The following ZNF100 variants were observed in gnomAD, a reference collection of about 807,000 sequenced individuals.
The protein encoded by ZNF100 is zinc finger protein 100.
In ZNF100, 12 loss-of-function variants were observed where a neutral mutation model predicts 15.8. The observed-to-expected ratio is 0.76, with a 90% CI of 0.49 to 1.23. The LOEUF (loss-of-function observed/expected upper bound fraction) is 1.23, where lower values mean the gene tolerates loss of function less well. Ranked by LOEUF, ZNF100 falls within the 50% of genes most tolerant of loss-of-function variation. ZNF100 has a pLI of 0.00. For missense variants in ZNF100, 670 were observed against 635.6 expected (o/e 1.05, Z -0.58); for synonymous variants, 226 against 214.8 (o/e 1.05, Z -0.45).
In ZNF100 at chr19:21,725,600, T is replaced by A. The variant is rs1245184100; in HGVS notation, c.*1083A>T. ...ATGCAGCAACAATTGATCACATGCTTTCACATGTAAATAGGAGTGAAGAAA... is the reference window on the plus strand; with the variant it reads ...ATGCAGCAACAATTGATCACATGCTATCACATGTAAATAGGAGTGAAGAAA... On this transcript the variant is annotated 3_prime_UTR_variant, in exon 5 of 5. Transcript: ENST00000358296. 6.6e-6 allele frequency: 1 copy of A among 152,150 alleles called. No homozygotes were observed. The highest frequency in any genetic ancestry group is 1.5e-5 in the Non-Finnish European group (1 of 68,000). The allele number at this position is 152,150 out of a possible 1,614,324, so 9.4% of individuals were successfully genotyped here. A position where few individuals can be genotyped will look rare whatever the true frequency, so the allele number is the denominator to read the frequency against.
intron 2 of ZNF100, among the ~76,000 whole-genome samples, chr19:21,753,866 C>T (rs1384723956): frequency 6.6e-6 from 1 of 152,092 alleles, no homozygotes; most frequent in Non-Finnish European, 1.5e-5. Flanking sequence ...GTTTTATCAT[C>T]CTACATGCTA....
chr19:21,742,126 T>C (rs944699404), intron 4 of ZNF100, among the ~76,000 whole-genome samples: 6 of 151,954 alleles, frequency 3.9e-5, no homozygotes, highest in African/African-American at 1.5e-4. Flanking sequence ...TGAAACTCTG[T>C]CTCTTCTAAC....
At chr19:21,738,248 CAAAAAAAAAAAAAAAAAAAAAAAAAAAA>C (rs769582572) in intron 4 of ZNF100, among the ~76,000 whole-genome samples, 6 of 42,962 alleles carry the variant, frequency 1.4e-4, no homozygotes, top group Non-Finnish European at 2.0e-4. Flanking sequence ...GACACTATGT[CAAAAAAAAAAAAAAAAAAAAAAAAAAAA>C]AAAAAAAAAA....
At chr19:21,751,045 GACC>G in intron 2 of ZNF100, 2 of 1,358,304 alleles carry the variant, frequency 1.5e-6, no homozygotes, top group South Asian at 2.4e-5. Flanking sequence ...GCACATCAGC[GACC>G]ACGAGATGCC....
Position 21,726,678 on chromosome 19 carries a change from AT to A in ZNF100, c.*4del. 2 of 1,601,994 alleles carry A rather than the reference AT, an allele frequency of 1.2e-6. No individual in the cohort carries two copies. Among genetic ancestry groups the A allele is most frequent in the Non-Finnish European group, 1.7e-6 (2 of 1,175,404 alleles). On this transcript the variant is annotated 3_prime_UTR_variant, in exon 5 of 5. Transcript: ENST00000358296. Reference sequence around the variant, plus strand: ...GAGGACTGGTAAAAGGCTTTGCCACATTTTTCACATTTGTAGGGTTTCTCTC... The same window carrying A: ...GAGGACTGGTAAAAGGCTTTGCCACATTTTCACATTTGTAGGGTTTCTCTC...
At chr19:21,760,502 A>T (rs910186164) in intron 2 of ZNF100, among the ~76,000 whole-genome samples, 1 of 151,576 alleles carries the variant, frequency 6.6e-6, no homozygotes, top group African/African-American at 2.4e-5. Flanking sequence ...CTAAAAAAAA[A>T]TAAAATAAAA....
intron 2 of ZNF100, 29 bp from the exon 3 acceptor site, chr19:21,745,096 T>C (rs780882562): frequency 5.1e-6 from 8 of 1,576,194 alleles, no homozygotes; most frequent in African/African-American, 4.1e-5. Context: ...GAGACACACA[T>C]ATATTTACCA....
At chr19:21,758,146 C>T (rs1222300207) in intron 2 of ZNF100, among the ~76,000 whole-genome samples, 4 of 151,942 alleles carry the variant, frequency 2.6e-5, no homozygotes, top group African/African-American at 7.3e-5. Context: ...TGCAGCAACA[C>T]GGATGGCGCT....
rs1331615500 is a variant in ZNF100, at chr19:21,726,848, C to G, written c.1464G>C (p.Glu488Asp). 4 of 1,570,740 alleles carry G rather than the reference C, an allele frequency of 2.5e-6. No homozygotes were observed. Among genetic ancestry groups the G allele is most frequent in the East Asian group, 2.4e-5 (1 of 41,730 alleles). The change falls in exon 5 of 5, where the codon GAG (glutamate) becomes GAC (aspartate). Residue 488 changes from glutamate (E) to aspartate (D), a missense_variant. Glu to Asp is a conservative substitution (Grantham distance 45, BLOSUM62 2). Coordinates refer to ENST00000358296, the MANE Select transcript of ZNF100 (RefSeq NM_173531.4). ...ATCGGTTAAAAGCTTTGCCACATTCCTCACATTTGTAGGGTTTCTCTCCAG... is the reference window on the plus strand; with the variant it reads ...ATCGGTTAAAAGCTTTGCCACATTCGTCACATTTGTAGGGTTTCTCTCCAG... ...IHTGEKPYKC[E>D]ECGKAFNRSS...
At chr19:21,751,480 G>T in intron 2 of ZNF100, 1 of 948,512 alleles carries the variant, frequency 1.1e-6, no homozygotes, top group East Asian at 2.4e-5. Flanking sequence ...CAGTAACTCT[G>T]GTTTACTTAG....
chr19:21,751,680 TTCA>T, intron 2 of ZNF100: 2 of 1,245,734 alleles, frequency 1.6e-6, no homozygotes, highest in Non-Finnish European at 2.3e-6. Context: ...TCGGAGCTTC[TTCA>T]GTTTAATATT....
intron 2 of ZNF100, among the ~76,000 whole-genome samples, chr19:21,745,818 G>A (rs888293939): frequency 2.6e-5 from 4 of 152,170 alleles, no homozygotes; most frequent in African/African-American, 4.8e-5. Flanking sequence ...CACCACGCCC[G>A]GCCGAGTTTC....
At chr19:21,745,864 T>G (rs2036204990) in intron 2 of ZNF100, among the ~76,000 whole-genome samples, 2 of 152,196 alleles carry the variant, frequency 1.3e-5, no homozygotes, top group Non-Finnish European at 2.9e-5. Flanking sequence ...ATGCCAAAGT[T>G]TTTGGCCCCA....
At chr19:21,733,316 TGGAA>T (rs758357452) in intron 4 of ZNF100, among the ~76,000 whole-genome samples, 12,433 of 152,108 alleles carry the variant, frequency 0.082, 638 homozygotes, top group South Asian at 0.18. Context: ...AATAACAAAT[TGGAA>T]AATATAACAA....
intron 4 of ZNF100, among the ~76,000 whole-genome samples, chr19:21,728,558 C>G (rs773083753): frequency 6.6e-6 from 1 of 152,054 alleles, no homozygotes; most frequent in Non-Finnish European, 1.5e-5. Flanking sequence ...CATGAATAAA[C>G]TCCTTTAACT....
At position 21,730,691 on chromosome 19, in the gene ZNF100, G is replaced by A. The variant is rs141045568; in HGVS notation, c.323-2702C>T. Among the ~76,000 whole-genome samples, 886 of 139,010 alleles carry A rather than the reference G, an allele frequency of 6.4e-3. 13 individuals are homozygous for A. Among genetic ancestry groups the A allele is most frequent in the African/African-American group, 0.023 (852 of 37,800 alleles). 91.2% of individuals were successfully genotyped at this position (139,010 alleles called of 152,430 possible). A position where few individuals can be genotyped will look rare whatever the true frequency, so the allele number is the denominator to read the frequency against. On this transcript the variant is annotated intron_variant, in intron 4 of 4. Coordinates refer to ENST00000358296, the MANE Select transcript of ZNF100 (RefSeq NM_173531.4). ...ATAGAGAAGATTCCTCAACAATATC[G>A]GGATACACATGCTTCTCAATTGCTC...
intron 2 of ZNF100, chr19:21,752,207 A>G (rs35451495): frequency 0.094 from 14,509 of 154,908 alleles, 915 homozygotes; most frequent in South Asian, 0.18. Flanking sequence ...AATGTGGGCC[A>G]GTAACTGAAC....
At chr19:21,755,906 G>T (rs1276091071) in intron 2 of ZNF100, among the ~76,000 whole-genome samples, 1 of 152,112 alleles carries the variant, frequency 6.6e-6, no homozygotes, top group Non-Finnish European at 1.5e-5. Context: ...CACAGAGAGG[G>T]AAACTACACC....
At chr19:21,767,045 T>A (rs1373067799) in intron 1 of ZNF100, among the ~76,000 whole-genome samples, 1 of 152,102 alleles carries the variant, frequency 6.6e-6, no homozygotes, top group Non-Finnish European at 1.5e-5. Flanking sequence ...ACATTTTTAA[T>A]AGGAGAAAAG....
Sources: allele counts gnomAD v4.1 joint callset (sites outside exome capture counted in the v4.1 genomes callset), GRCh38; gene constraint gnomAD v4.1.1; transcripts MANE v1.5; gene names NCBI Gene and HGNC (gene_info 2026-07-23, HGNC 2026-07-21).